Variants in CHST11 observed in about 807,000 individuals in gnomAD.
The protein encoded by CHST11 is C4S-1.
A neutral mutation model predicts 30.4 loss-of-function variants in CHST11; 9 were observed. The ratio of observed to expected loss-of-function variants is 0.30; its 90% CI spans 0.18 to 0.52. The LOEUF (loss-of-function observed/expected upper bound fraction) is 0.52, where lower values mean the gene tolerates loss of function less well. CHST11 is among the 20% of genes least tolerant of loss of function. The probability of loss-of-function intolerance (pLI) is 0.97; values close to 1 mark genes in which losing one functional copy is unlikely to be tolerated. For missense variants in CHST11, 348 were observed against 460.6 expected (o/e 0.76, Z 2.24); for synonymous variants, 152 against 187.8 (o/e 0.81, Z 1.56).
At chr12:104,503,094 G>A (rs966779226) in intron 1 of CHST11, among the ~76,000 whole-genome samples, 25 of 152,308 alleles carry the variant, frequency 1.6e-4, no homozygotes, top group African/African-American at 4.8e-5. Context: ...ATGATTAAAG[G>A]TGCTCATTAC....
intron 2 of CHST11, among the ~76,000 whole-genome samples, chr12:104,725,596 C>T (rs1255452508): frequency 6.6e-6 from 1 of 151,532 alleles, no homozygotes; most frequent in African/African-American, 2.4e-5. Context: ...CTAATACTTG[C>T]AATCGTGGGA....
intron 1 of CHST11, among the ~76,000 whole-genome samples, chr12:104,530,160 A>G (rs1213621937): frequency 6.6e-6 from 1 of 152,140 alleles, no homozygotes; most frequent in Non-Finnish European, 1.5e-5. Flanking sequence ...CTCTGTCTCA[A>G]AGCACTATTA....
In CHST11 at chr12:104,757,818, G is replaced by A. The variant is rs746156858; in HGVS notation, c.*15G>A. 3 of 1,590,660 alleles carry A rather than the reference G, an allele frequency of 1.9e-6. No homozygotes were observed. The highest frequency in any genetic ancestry group is 1.7e-6 in the Non-Finnish European group (2 of 1,167,210). ...AATTGGAATAAAGGGGGTGGGGAGAGGGAGAGAATCATGCTTTTTAATTTA... is the reference window on the plus strand; with the variant it reads ...AATTGGAATAAAGGGGGTGGGGAGAAGGAGAGAATCATGCTTTTTAATTTA... On this transcript the variant is annotated 3_prime_UTR_variant, in exon 3 of 3. Coordinates refer to ENST00000303694, the MANE Select transcript of CHST11 (RefSeq NM_018413.6). The surrounding 1 kb of genome is among the most constrained non-coding windows in gnomAD (Gnocchi z 6.5).
intron 2 of CHST11, among the ~76,000 whole-genome samples, chr12:104,655,539 C>T (rs1162779362): frequency 1.1e-4 from 17 of 152,212 alleles, no homozygotes; most frequent in African/African-American, 3.6e-4. Context: ...AAGTAAGGGA[C>T]AGCCTCCTTG....
At chr12:104,462,858 T>A (rs150789516) in intron 1 of CHST11, among the ~76,000 whole-genome samples, 1 of 152,334 alleles carries the variant, frequency 6.6e-6, no homozygotes, top group East Asian at 1.9e-4. Context: ...TGCACCTCGA[T>A]GGAGCATTTT....
intron 2 of CHST11, among the ~76,000 whole-genome samples, chr12:104,667,728 C>G (rs577779465): frequency 1.2e-4 from 18 of 152,308 alleles, no homozygotes; most frequent in African/African-American, 3.8e-4. Context: ...ATGGACCTAC[C>G]TCAGGCTGGT....
intron 1 of CHST11, among the ~76,000 whole-genome samples, chr12:104,528,596 A>G (rs1391587887): frequency 1.3e-5 from 2 of 152,216 alleles, no homozygotes; most frequent in African/African-American, 4.8e-5. Context: ...CTCTTTAGAT[A>G]TGGAAAAAGA....
chr12:104,638,604 G>T (rs1455928060), intron 2 of CHST11, among the ~76,000 whole-genome samples: 1 of 152,150 alleles, frequency 6.6e-6, no homozygotes, highest in African/African-American at 2.4e-5. Flanking sequence ...AAGGGTTGGG[G>T]TAACAAAAAA....
intron 2 of CHST11, among the ~76,000 whole-genome samples, chr12:104,727,250 G>A (rs1443128788): frequency 6.6e-6 from 1 of 152,122 alleles, no homozygotes; most frequent in Non-Finnish European, 1.5e-5. Context: ...ACCCCTCAGG[G>A]GCCTACATTC....
At position 104,699,576 on chromosome 12, in the gene CHST11, C is replaced by G. The variant is rs548961780; in HGVS notation, c.205-57373C>G. ...GTCACTGAGGACATGGTGCTTCCCT[C>G]CTGGTGGCTTTCGGATAGTTGGTGT... On this transcript the variant is annotated intron_variant, in intron 2 of 2. Transcript: ENST00000303694. 3.3e-5 allele frequency among the ~76,000 whole-genome samples: 5 copies of G among 152,300 alleles called. No individual in the cohort carries two copies. In the East Asian group the frequency reaches 9.6e-4, roughly 29 times the overall value.
intron 2 of CHST11, among the ~76,000 whole-genome samples, chr12:104,603,123 A>G (rs2038972976): frequency 6.6e-6 from 1 of 152,120 alleles, no homozygotes. Flanking sequence ...TCAGTGGGGA[A>G]TTTGATAGTT....
chr12:104,630,599 G>A (rs2039261209), intron 2 of CHST11, among the ~76,000 whole-genome samples: 1 of 152,140 alleles, frequency 6.6e-6, no homozygotes, highest in South Asian at 2.1e-4. Flanking sequence ...TTCCCGAAAG[G>A]GAAACTGACA....
chr12:104,750,581 G>A (rs1309403245), intron 2 of CHST11, among the ~76,000 whole-genome samples: 1 of 151,100 alleles, frequency 6.6e-6, no homozygotes, highest in Non-Finnish European at 1.5e-5. Flanking sequence ...GTAGCTGGGA[G>A]TACAGGTGTC....
At chr12:104,711,144 A>G (rs1215122308) in intron 2 of CHST11, among the ~76,000 whole-genome samples, 2 of 152,170 alleles carry the variant, frequency 1.3e-5, no homozygotes, top group East Asian at 1.9e-4. Flanking sequence ...GTAAAACTGT[A>G]TTCATGCCAA....
chr12:104,530,969 GT>G (rs945382947), intron 1 of CHST11, among the ~76,000 whole-genome samples: 2 of 152,204 alleles, frequency 1.3e-5, no homozygotes, highest in Non-Finnish European at 2.9e-5. Flanking sequence ...TCATTAAGGT[GT>G]TGGGGAAGCC....
intron 2 of CHST11, among the ~76,000 whole-genome samples, chr12:104,694,706 G>A (rs1319250231): frequency 6.6e-6 from 1 of 152,150 alleles, no homozygotes; most frequent in East Asian, 1.9e-4. Flanking sequence ...GAGAATGAAC[G>A]ATGGAAACTC....
At chr12:104,513,123 T>TTGG (rs1555229063) in intron 1 of CHST11, among the ~76,000 whole-genome samples, 15 of 3,390 alleles carry the variant, frequency 4.4e-3, no homozygotes, top group African/African-American at 0.021. Context: ...ATGTCATGAC[T>TTGG]GGGGGGGGGG....
chr12:104,460,453 C>T lies in CHST11; in HGVS notation c.118+2924C>T, dbSNP rs181513835. Reference sequence around the variant, plus strand: ...CTGAGGCGGGTGCATCACTTGAGCTCAGGAGTTCGAGACCAGCCTGGCCAA... The same window carrying T: ...CTGAGGCGGGTGCATCACTTGAGCTTAGGAGTTCGAGACCAGCCTGGCCAA... On this transcript the variant is annotated intron_variant, in intron 1 of 2. Transcript: ENST00000303694. Among the ~76,000 whole-genome samples the T allele has an allele frequency of 2.4e-3, 360 of 152,158 alleles. 2 individuals are homozygous for T. The highest frequency in any genetic ancestry group is 8.1e-3 in the African/African-American group (338 of 41,530).
chr12:104,684,275 GA>G (rs2039824896), intron 2 of CHST11, among the ~76,000 whole-genome samples: 1 of 151,928 alleles, frequency 6.6e-6, no homozygotes. Flanking sequence ...TGGATGGATG[GA>G]TGGATGGATG....
Sources: allele counts gnomAD v4.1 joint callset (sites outside exome capture counted in the v4.1 genomes callset), GRCh38; gene constraint gnomAD v4.1.1; non-coding constraint Gnocchi (gnomAD v3.1); transcripts MANE v1.5; gene names NCBI Gene and HGNC (gene_info 2026-07-23, HGNC 2026-07-21).